FMN2: variants seen among roughly 807,000 people sequenced by gnomAD.
FMN2 encodes formin-2.
FMN2 carries 51 observed loss-of-function variants against 142.3 expected under a neutral mutation model. The ratio of observed to expected loss-of-function variants is 0.36; its 90% confidence interval spans 0.29 to 0.45. The LOEUF (loss-of-function observed/expected upper bound fraction) is 0.45. FMN2 is among the 20% of genes least tolerant of loss of function. The probability of loss-of-function intolerance (pLI) is 1.00; values close to 1 mark genes in which losing one functional copy is unlikely to be tolerated. For synonymous variants in FMN2, 882 were observed against 869.8 expected, an observed-to-expected ratio of 1.01 and a Z score of -0.25; for missense variants, 1,936 against 2,122.8, an observed-to-expected ratio of 0.91 and a Z score of 1.73.
In FMN2 at chr1:240,092,960, C is replaced by A. The variant is rs1462871078; in HGVS notation, c.851C>A (p.Ala284Asp). The A allele has an allele frequency of 7.1e-6, 10 of 1,413,546 alleles. 1 individual carries two copies. In the African/African-American group the frequency reaches 1.1e-4, roughly 15 times the overall value. The allele number at this position is 1,413,546 out of a possible 1,614,324, so 87.6% of individuals were successfully genotyped here. ...SALSDLPESL[A>D]AEPREPQQPP... The stretch of plus-strand genomic sequence containing the variant: ...CTCTCCGACCTGCCCGAGAGCCTGG[C>A]CGCCGAGCCCCGGGAGCCCCAGCAA... The change falls in exon 1 of 18, where the codon GCC becomes GAC. Residue 284 changes from alanine (A) to aspartate (D), a missense_variant. Physicochemically the swap from Ala to Asp is moderately radical, Grantham distance 126 (BLOSUM62 -2). Coordinates refer to ENST00000319653, the MANE Select transcript of FMN2 (RefSeq NM_020066.5).
chr1:240,174,528 A>T (rs948719393), intron 2 of FMN2, among the ~76,000 whole-genome samples: 3 of 151,778 alleles, frequency 2.0e-5, no homozygotes, highest in Non-Finnish European at 1.5e-5. Context: ...CTAATTTTTT[A>T]AAAATTTTTA....
chr1:240,176,295 A>G (rs1394698389), intron 2 of FMN2, among the ~76,000 whole-genome samples: 1 of 152,204 alleles, frequency 6.6e-6, no homozygotes, highest in East Asian at 1.9e-4. Context: ...CAACATGTAA[A>G]CATTTATTAA....
intron 8 of FMN2, among the ~76,000 whole-genome samples, chr1:240,317,686 A>G (rs1297226974): frequency 6.6e-6 from 1 of 152,142 alleles, no homozygotes; most frequent in African/African-American, 2.4e-5. Flanking sequence ...TGGGTATTAC[A>G]CACAAAACTG....
At chr1:240,228,230 G>A (rs142544933) in intron 6 of FMN2, among the ~76,000 whole-genome samples, 1,512 of 145,224 alleles carry the variant, frequency 0.01, 30 homozygotes, top group African/African-American at 0.036. Context: ...TTGAACCCAG[G>A]AGGCAGAGGT....
rs562166382 is a variant in FMN2 at position 240,231,328 on chromosome 1, T to C, written c.4065+20093T>C. On this transcript the variant is annotated intron_variant, in intron 6 of 17. Coordinates refer to ENST00000319653, the MANE Select transcript of FMN2 (RefSeq NM_020066.5). Reference sequence around the variant, plus strand: ...TTGAAAATGTATTTCGCTATGTTTCTACCAATGTGAACAAAGCTTGACTGT... The same window carrying C: ...TTGAAAATGTATTTCGCTATGTTTCCACCAATGTGAACAAAGCTTGACTGT... 6.8e-5 allele frequency among the ~76,000 whole-genome samples: 9 copies of C among 132,864 alleles called. 1 individual carries two copies. The South Asian group carries it at 2.1e-3, about 31-fold the overall frequency. The allele number at this position is 132,864 out of a possible 152,430, so 87.2% of individuals were successfully genotyped here. A position where few individuals can be genotyped will look rare whatever the true frequency, so the allele number is the denominator to read the frequency against.
At chr1:240,302,692 C>T (rs1449713024) in intron 8 of FMN2, among the ~76,000 whole-genome samples, 1 of 152,012 alleles carries the variant, frequency 6.6e-6, no homozygotes, top group East Asian at 1.9e-4. Context: ...CACCCTTAGT[C>T]ATACATTCTA....
In FMN2 at chr1:240,296,213, A is replaced by T. The variant is rs79740908; in HGVS notation, c.4215+1330A>T. Among the ~76,000 whole-genome samples, 49 of 89,974 alleles carry T rather than the reference A, an allele frequency of 5.4e-4. 1 individual carries two copies. The highest frequency in any genetic ancestry group is 5.0e-3 in the Middle Eastern group (1 of 200). The allele number at this position is 89,974 out of a possible 152,430, so 59.0% of individuals were successfully genotyped here. ...TAGTACTTTTTTTTTTTTTTTTTTT[A>T]ACAAAGGTGGTAGAGAAAGGGAGTA... On this transcript the variant is annotated intron_variant, in intron 8 of 17. Transcript: ENST00000319653.
At chr1:240,094,120 A>G (rs1661116717) in intron 1 of FMN2, among the ~76,000 whole-genome samples, 1 of 152,120 alleles carries the variant, frequency 6.6e-6, no homozygotes. Flanking sequence ...AAAATTGTTC[A>G]TGGTTCTTTC....
rs56686860 is a variant in FMN2, at chr1:240,271,098, G to GTTTTTTTTTTT, written c.4153+13075_4153+13085dup. On this transcript the variant is annotated intron_variant, in intron 7 of 17. Coordinates refer to ENST00000319653, the MANE Select transcript of FMN2 (RefSeq NM_020066.5). ...ACCCCCCTAGGAACTTTCCACGATGGTTTTTTTTTTTTTTTTTTTGTGACT... is the reference window on the plus strand; with the variant it reads ...ACCCCCCTAGGAACTTTCCACGATGGTTTTTTTTTTTTTTTTTTTTTTTTTTTTTTGTGACT... Among the ~76,000 whole-genome samples, 124 of 72,224 alleles carry GTTTTTTTTTTT rather than the reference G, an allele frequency of 1.7e-3. 9 individuals are homozygous for GTTTTTTTTTTT. Among genetic ancestry groups the GTTTTTTTTTTT allele is most frequent in the African/African-American group, 6.8e-3 (102 of 15,098 alleles). 47.4% of individuals were successfully genotyped at this position (72,224 alleles called of 152,430 possible). A position where few individuals can be genotyped will look rare whatever the true frequency, so the allele number is the denominator to read the frequency against.
intron 3 of FMN2, among the ~76,000 whole-genome samples, chr1:240,178,482 G>A (rs1301385874): frequency 1.5e-5 from 2 of 130,882 alleles, no homozygotes; most frequent in Non-Finnish European, 3.1e-5. Flanking sequence ...GTCTTTCTCT[G>A]TCACCCAGGC....
chr1:240,209,351 C>T (rs1012842759), intron 5 of FMN2, among the ~76,000 whole-genome samples: 1 of 151,462 alleles, frequency 6.6e-6, no homozygotes, highest in Non-Finnish European at 1.5e-5. Flanking sequence ...CCCGGGTTCA[C>T]CCCATTCTCC....
chr1:240,287,137 C>T (rs1669618381), intron 7 of FMN2, among the ~76,000 whole-genome samples: 1 of 152,138 alleles, frequency 6.6e-6, no homozygotes, highest in Admixed American at 6.5e-5. Flanking sequence ...AAATTAACTG[C>T]TTACATGTCC....
Position 240,330,643 on chromosome 1 carries a change from T to G in FMN2, c.4478T>G (p.Leu1493Trp), listed in dbSNP as rs1436827248. Residue 1493 changes from leucine to tryptophan, a missense_variant, in exon 11 of 18, where the codon TTG becomes TGG. By Grantham distance (61) the Leu-to-Trp change is moderately conservative (BLOSUM62 -2). Coordinates refer to ENST00000319653, the MANE Select transcript of FMN2 (RefSeq NM_020066.5). ...CCAGGGGTTATGCAGGTTCTAGGTTTGGTTCTTGCCTTTGGCAACTACATG... is the reference window on the plus strand; with the variant it reads ...CCAGGGGTTATGCAGGTTCTAGGTTGGGTTCTTGCCTTTGGCAACTACATG... ...NGPGVMQVLG[L>W]VLAFGNYMNG... 2.5e-6 allele frequency: 4 copies of G among 1,614,040 alleles called. No homozygotes were observed. Among genetic ancestry groups the G allele is most frequent in the Non-Finnish European group, 3.4e-6 (4 of 1,179,934 alleles).
intron 2 of FMN2, among the ~76,000 whole-genome samples, chr1:240,148,948 G>A (rs1663641085): frequency 6.7e-6 from 1 of 148,442 alleles, no homozygotes; most frequent in Non-Finnish European, 1.5e-5. Context: ...CTCCAGCCTG[G>A]GTGACAGAGC....
chr1:240,406,603 G>C (rs997922287), intron 15 of FMN2, among the ~76,000 whole-genome samples: 2 of 152,166 alleles, frequency 1.3e-5, no homozygotes, highest in African/African-American at 2.4e-5. Context: ...CGTGGCTAGA[G>C]TTAGCATATT....
intron 1 of FMN2, among the ~76,000 whole-genome samples, chr1:240,105,559 CTCT>C (rs1251564697): frequency 1.3e-5 from 2 of 152,096 alleles, no homozygotes; most frequent in Admixed American, 6.6e-5. Flanking sequence ...TGTGAAAGAT[CTCT>C]TCATTTATTC....
chr1:240,348,722 C>T (rs1276291197), intron 13 of FMN2, among the ~76,000 whole-genome samples: 2 of 152,106 alleles, frequency 1.3e-5, no homozygotes, highest in Non-Finnish European at 2.9e-5. Context: ...AAATTTTACC[C>T]CCTAAATATT....
chr1:240,256,004 A>G lies in FMN2; in HGVS notation c.4066-1941A>G, dbSNP rs142686388. ...TGAGAAGAAATGTTAGGAGCCCTGG[A>G]AGAGAAGTTACTACAAGGGTGTGAT... On this transcript the variant is annotated intron_variant, in intron 6 of 17. Coordinates refer to ENST00000319653, the MANE Select transcript of FMN2 (RefSeq NM_020066.5). Among the ~76,000 whole-genome samples, 369 of 152,320 alleles carry G rather than the reference A, an allele frequency of 2.4e-3. 1 individual carries two copies. The highest frequency in any genetic ancestry group is 0.014 in the Middle Eastern group (4 of 294).
At chr1:240,420,515 T>C (rs1280767441) in intron 15 of FMN2, among the ~76,000 whole-genome samples, 2 of 152,224 alleles carry the variant, frequency 1.3e-5, no homozygotes, top group Non-Finnish European at 2.9e-5. Flanking sequence ...CCTTAATTGT[T>C]GTCCTATTGT....
Sources: gnomAD v4.1 joint callset for allele counts (sites outside exome capture counted in the v4.1 genomes callset) on GRCh38, gnomAD v4.1.1 for gene constraint, MANE v1.5 for transcripts, NCBI Gene and HGNC (gene_info 2026-07-23, HGNC 2026-07-21) for gene names.